Variants in KCNU1 observed in about 807,000 individuals in gnomAD.
KCNU1 encodes the protein potassium channel subfamily U member 1.
A neutral mutation model predicts 126.8 loss-of-function variants in KCNU1; 93 were observed. The ratio of observed to expected loss-of-function variants is 0.73; its 90% CI spans 0.62 to 0.87. KCNU1 has a LOEUF of 0.87. KCNU1 is among the 40% of genes least tolerant of loss of function. The pLI is 0.00. For missense variants in KCNU1, 1,330 were observed against 1,367.1 expected (o/e 0.97, Z 0.43); for synonymous variants, 523 against 494.2 (o/e 1.06, Z -0.77).
intron 10 of KCNU1, among the ~76,000 whole-genome samples, chr8:36,821,816 A>G (rs1804137854): frequency 7.0e-6 from 1 of 142,222 alleles, no homozygotes; most frequent in Non-Finnish European, 1.5e-5. Flanking sequence ...TTCAGTAAAT[A>G]ATATGAGATA....
rs754633781 is a variant in KCNU1 at position 36,807,729 on chromosome 8, C to CAA, written c.656+294_656+295dup. On this transcript the variant is annotated intron_variant, in intron 6 of 26. Coordinates refer to ENST00000399881, the MANE Select transcript of KCNU1 (RefSeq NM_001031836.3). The stretch of plus-strand genomic sequence containing the variant: ...AGGTTTTAATTCTAGGTCCCTCCAC[C>CAA]AAAAAAAAAAAAAAAAGTCAAAGCA... Among the ~76,000 whole-genome samples, 16 of 110,664 alleles carry CAA rather than the reference C, an allele frequency of 1.4e-4. No individual in the cohort carries two copies. In the East Asian group the frequency reaches 2.1e-3, roughly 14 times the overall value. The allele number at this position is 110,664 out of a possible 152,430, so 72.6% of individuals were successfully genotyped here. A position where few individuals can be genotyped will look rare whatever the true frequency, so the allele number is the denominator to read the frequency against.
At chr8:36,915,103 T>C (rs1808047113) in intron 22 of KCNU1, among the ~76,000 whole-genome samples, 1 of 152,198 alleles carries the variant, frequency 6.6e-6, no homozygotes, top group South Asian at 2.1e-4. Flanking sequence ...CTGTACCCGA[T>C]TAGAACACTA....
chr8:36,822,982 A>G (rs1420838390), intron 10 of KCNU1, among the ~76,000 whole-genome samples: 1 of 152,224 alleles, frequency 6.6e-6, no homozygotes, highest in Non-Finnish European at 1.5e-5. Context: ...TCAGATGAGA[A>G]GGTACAATAA....
intron 19 of KCNU1, among the ~76,000 whole-genome samples, chr8:36,873,829 G>A (rs1465265570): frequency 1.3e-5 from 2 of 152,180 alleles, no homozygotes. Flanking sequence ...TGGTAAACAT[G>A]CTGGAAGATT....
rs568233241 is a variant in KCNU1, at chr8:36,894,394, G to C, written c.2010-11314G>C. Among the ~76,000 whole-genome samples the C allele has an allele frequency of 2.0e-5, 3 of 152,250 alleles. No homozygotes were observed. In the East Asian group the frequency reaches 5.8e-4, roughly 29 times the overall value. The stretch of plus-strand genomic sequence containing the variant: ...TGACTCACTTGTTAGCCAAGCAAGA[G>C]AAGTCATTTACTAATGGTGAATCAA... On this transcript the variant is annotated intron_variant, in intron 19 of 26. Coordinates refer to ENST00000399881, the MANE Select transcript of KCNU1 (RefSeq NM_001031836.3).
intron 19 of KCNU1, among the ~76,000 whole-genome samples, chr8:36,881,827 CA>C (rs1806492609): frequency 2.0e-5 from 3 of 151,668 alleles, no homozygotes; most frequent in Admixed American, 2.0e-4. Context: ...CACACACACA[CA>C]CACACACACA....
chr8:36,917,411 G>A (rs1018589607), intron 22 of KCNU1, among the ~76,000 whole-genome samples: 23 of 150,268 alleles, frequency 1.5e-4, no homozygotes, highest in African/African-American at 3.7e-4. Flanking sequence ...GTGCAATAGC[G>A]TGATGGCGGC....
chr8:36,913,624 C>T (rs1395936677), intron 22 of KCNU1, among the ~76,000 whole-genome samples: 7 of 138,966 alleles, frequency 5.0e-5, no homozygotes, highest in African/African-American at 8.1e-5. Context: ...TTTTTTGAGA[C>T]GGAGTCTTAC....
At chr8:36,848,050 T>A (rs541729299) in intron 18 of KCNU1, among the ~76,000 whole-genome samples, 24 of 152,374 alleles carry the variant, frequency 1.6e-4, no homozygotes, top group Non-Finnish European at 3.4e-4. Flanking sequence ...TAGTTTTGAT[T>A]TGCATTTCTT....
intron 18 of KCNU1, among the ~76,000 whole-genome samples, chr8:36,848,953 T>G (rs1373784621): frequency 6.6e-6 from 1 of 152,158 alleles, no homozygotes; most frequent in Non-Finnish European, 1.5e-5. Context: ...ACATCTTTAT[T>G]CAGATATATT....
intron 15 of KCNU1, 114 bp downstream of exon 15, chr8:36,840,689 G>A (rs1804916685): frequency 1.4e-6 from 1 of 730,202 alleles, no homozygotes; most frequent in Non-Finnish European, 2.4e-6. Flanking sequence ...TCTAAGAAGG[G>A]ACAGCCCAGG....
chr8:36,899,256 G>A (rs935873330), intron 19 of KCNU1, among the ~76,000 whole-genome samples: 2 of 151,566 alleles, frequency 1.3e-5, no homozygotes, highest in African/African-American at 2.4e-5. Context: ...GGGCCACTCT[G>A]ATCTTGGGTC....
At chr8:36,797,718 A>G (rs553069987) in intron 2 of KCNU1, among the ~76,000 whole-genome samples, 6 of 152,182 alleles carry the variant, frequency 3.9e-5, no homozygotes, top group South Asian at 2.1e-4. Context: ...TGAGTGTCCA[A>G]AAAAGTTTTT....
intron 24 of KCNU1, 116 bp from the exon 25 acceptor site, chr8:36,930,835 T>C: frequency 1.5e-6 from 1 of 645,260 alleles, no homozygotes; most frequent in Non-Finnish European, 2.6e-6. Context: ...AACACTGTTC[T>C]ACACCATCAG....
chr8:36,840,017 C>T (rs549808943), intron 14 of KCNU1, among the ~76,000 whole-genome samples: 1 of 152,324 alleles, frequency 6.6e-6, no homozygotes, highest in African/African-American at 2.4e-5. Context: ...TGATGCTGGA[C>T]AGAAGCTATG....
chr8:36,806,268 G>A lies in KCNU1; in HGVS notation c.469-1G>A, dbSNP rs1239890172. The A allele has an allele frequency of 6.3e-7, 1 of 1,599,274 alleles. No homozygotes were observed. The highest frequency in any genetic ancestry group is 1.7e-5 in the Admixed American group (1 of 58,938). On this transcript the variant is annotated splice_acceptor_variant, in intron 4 of 26. Transcript: ENST00000399881. LOFTEE classifies it high-confidence loss of function. ...TGTGTTATTCTGTTTCTATTTCATAGTTTATGGCAGCTGATGACAAGATCA... is the reference window on the plus strand; with the variant it reads ...TGTGTTATTCTGTTTCTATTTCATAATTTATGGCAGCTGATGACAAGATCA...
At chr8:36,848,730 A>G (rs1789644045) in intron 18 of KCNU1, among the ~76,000 whole-genome samples, 1 of 152,046 alleles carries the variant, frequency 6.6e-6, no homozygotes, top group South Asian at 2.1e-4. Flanking sequence ...GTCCTCTTGC[A>G]TTGTTGCTAG....
At chr8:36,790,203 T>A (rs1802854855) in intron 2 of KCNU1, among the ~76,000 whole-genome samples, 1 of 152,184 alleles carries the variant, frequency 6.6e-6, no homozygotes, top group Non-Finnish European at 1.5e-5. Context: ...ACCTTTGAAA[T>A]GATAAATGTA....
chr8:36,902,339 G>T (rs1200986854), intron 19 of KCNU1, among the ~76,000 whole-genome samples: 1 of 152,110 alleles, frequency 6.6e-6, no homozygotes, highest in African/African-American at 2.4e-5. Context: ...GTTAAAATGT[G>T]CTTGGGAGAA....
Sources: gnomAD v4.1 joint callset for allele counts (sites outside exome capture counted in the v4.1 genomes callset) on GRCh38, gnomAD v4.1.1 for gene constraint, MANE v1.5 for transcripts, NCBI Gene and HGNC (gene_info 2026-07-23, HGNC 2026-07-21) for gene names.